Variants in NAV1 observed in about 807,000 individuals in gnomAD.
NAV1 encodes the protein neuron navigator 1.
NAV1 carries 18 observed loss-of-function variants against 175.2 expected under a neutral mutation model. That is an observed-to-expected ratio of 0.10 (90% CI 0.07 to 0.15). NAV1 has a LOEUF of 0.15. Ranked by LOEUF, NAV1 falls within the 10% of genes least tolerant of loss-of-function variation. The pLI is 1.00. For synonymous variants in NAV1, 897 were observed against 978.7 expected, an observed-to-expected ratio of 0.92 and a Z score of 1.56; for missense variants, 1,731 against 2,436.6, an observed-to-expected ratio of 0.71 and a Z score of 6.10.
At chr1:201,777,565 A>G (rs73088454) in intron 3 of NAV1, among the ~76,000 whole-genome samples, 2,615 of 148,772 alleles carry the variant, frequency 0.018, 69 homozygotes, top group African/African-American at 0.06. Flanking sequence ...TTTTTTTAAC[A>G]AAAGGTCTTG....
intron 1 of NAV1, among the ~76,000 whole-genome samples, chr1:201,701,557 A>T (rs189230833): frequency 1.8e-3 from 279 of 152,322 alleles, no homozygotes; most frequent in African/African-American, 6.4e-3. Context: ...GTGGCTATTG[A>T]ACACTTGAAA....
At chr1:201,702,913 T>C (rs1187639752) in intron 1 of NAV1, among the ~76,000 whole-genome samples, 1 of 152,198 alleles carries the variant, frequency 6.6e-6, no homozygotes, top group Non-Finnish European at 1.5e-5. Context: ...CAAAGAGTTG[T>C]CCTGAAGATT....
At chr1:201,798,597 AG>A (rs1677606859) in intron 15 of NAV1, 1 of 126,282 alleles carries the variant, frequency 7.9e-6, no homozygotes, top group African/African-American at 3.1e-5. Flanking sequence ...GGTGAGAGAG[AG>A]ACCTGGTTTC....
chr1:201,598,412 G>A (rs969072107), intron 2 of NAV1, among the ~76,000 whole-genome samples: 6 of 152,302 alleles, frequency 3.9e-5, no homozygotes, highest in East Asian at 1.9e-4. Context: ...TAGGAGGGTC[G>A]TTATCAGAAC....
intron 15 of NAV1, among the ~76,000 whole-genome samples, chr1:201,803,183 T>C (rs940798444): frequency 6.6e-6 from 1 of 152,298 alleles, no homozygotes; most frequent in East Asian, 1.9e-4. Flanking sequence ...TGGCTAGTGA[T>C]GTATTTGGCT....
chr1:201,642,700 C>CTCTT (rs1553247128), intron 2 of NAV1, among the ~76,000 whole-genome samples: 36 of 139,868 alleles, frequency 2.6e-4, no homozygotes, highest in South Asian at 1.6e-3. Flanking sequence ...TTTCTTCTCT[C>CTCTT]TCTTTCTTTC....
At chr1:201,759,486 T>C (rs1674711494) in intron 3 of NAV1, among the ~76,000 whole-genome samples, 1 of 152,236 alleles carries the variant, frequency 6.6e-6, no homozygotes, top group African/African-American at 2.4e-5. Flanking sequence ...GGTTGCCTTC[T>C]CAGGTTCCTA....
rs1439944934 is a variant in NAV1, at chr1:201,812,305, G to A, written c.5025-160G>A. On this transcript the variant is annotated intron_variant, in intron 26 of 29. Transcript: ENST00000367296. The surrounding 1 kb of genome is among the most constrained non-coding windows in gnomAD (Gnocchi z 4.6). ...TTGAGAATCAGCTCTACCACCCCAG[G>A]GCTGCTGCTCTGAGTTCCGATGTCC... Among the ~76,000 whole-genome samples, 1 of 152,144 alleles carries A rather than the reference G, an allele frequency of 6.6e-6. No individual in the cohort carries two copies. Among genetic ancestry groups the A allele is most frequent in the Non-Finnish European group, 1.5e-5 (1 of 68,018 alleles).
At chr1:201,569,741 C>G (rs967515027) in intron 1 of NAV1, among the ~76,000 whole-genome samples, 2 of 152,120 alleles carry the variant, frequency 1.3e-5, no homozygotes, top group Admixed American at 1.3e-4. Context: ...AGTTAGTAAC[C>G]CCCTCATGAG....
At chr1:201,826,398 T>C (rs947143376) in exon 30 of NAV1, 1 of 152,252 alleles carries the variant, frequency 6.6e-6, no homozygotes, top group East Asian at 1.9e-4. Context: ...CACTTTCTAA[T>C]GCTTTTTTGT....
chr1:201,659,294 A>C (rs1457650629), intron 1 of NAV1, among the ~76,000 whole-genome samples: 1 of 152,202 alleles, frequency 6.6e-6, no homozygotes, highest in Non-Finnish European at 1.5e-5. Context: ...GTTGGGGAGG[A>C]ATTTAAAGGA....
chr1:201,648,783 G>A, exon 1 of NAV1: 1 of 1,473,558 alleles, frequency 6.8e-7, no homozygotes, highest in South Asian at 1.4e-5. Flanking sequence ...AGCGGCGGAC[G>A]GCAGAGGCAT....
intron 3 of NAV1, among the ~76,000 whole-genome samples, chr1:201,763,438 C>T (rs1193077867): frequency 6.6e-6 from 1 of 152,166 alleles, no homozygotes; most frequent in African/African-American, 2.4e-5. Context: ...TTTCAATTTC[C>T]TGACTTGGAA....
intron 3 of NAV1, among the ~76,000 whole-genome samples, chr1:201,747,903 T>A (rs1673871792): frequency 6.6e-6 from 1 of 152,232 alleles, no homozygotes; most frequent in Non-Finnish European, 1.5e-5. Flanking sequence ...ACTGAGTGCT[T>A]ATCTTGGGAT....
intron 2 of NAV1, among the ~76,000 whole-genome samples, chr1:201,598,804 C>G (rs1030704561): frequency 6.6e-6 from 1 of 152,174 alleles, no homozygotes; most frequent in Non-Finnish European, 1.5e-5. Context: ...CTGGTAGGGT[C>G]CCGGCCATGA....
chr1:201,780,389 A>C, intron 3 of NAV1, 32 bp from the exon 8 acceptor site: 1 of 1,612,830 alleles, frequency 6.2e-7, no homozygotes, highest in South Asian at 1.1e-5. Flanking sequence ...CTTCTGTTTT[A>C]ACGATTGACC....
At chr1:201,541,337 G>T (rs1035581150) in intron 1 of NAV1, among the ~76,000 whole-genome samples, 1 of 152,082 alleles carries the variant, frequency 6.6e-6, no homozygotes, top group Non-Finnish European at 1.5e-5. Context: ...TTCATTCTTT[G>T]GGAGTTAATT....
intron 1 of NAV1, among the ~76,000 whole-genome samples, chr1:201,626,168 AT>A (rs1413970723): frequency 6.6e-6 from 1 of 152,218 alleles, no homozygotes; most frequent in Non-Finnish European, 1.5e-5. Context: ...AGCTGCTGCC[AT>A]GGCAGCTCTG....
chr1:201,574,452 G>A (rs367932323), intron 1 of NAV1, among the ~76,000 whole-genome samples: 3 of 152,102 alleles, frequency 2.0e-5, no homozygotes, highest in South Asian at 2.1e-4. Context: ...CCCAGCACTC[G>A]GAGTCAGGAT....
Sources: allele counts gnomAD v4.1 joint callset (sites outside exome capture counted in the v4.1 genomes callset), GRCh38; gene constraint gnomAD v4.1.1; non-coding constraint Gnocchi (gnomAD v3.1); transcripts MANE v1.5; gene names NCBI Gene and HGNC (gene_info 2026-07-23, HGNC 2026-07-21).